Variants in NBPF10 observed in about 807,000 individuals in gnomAD.
NBPF10 encodes the protein NBPF member 10.
In NBPF10, 63 loss-of-function variants were observed where a neutral mutation model predicts 77.9. The observed-to-expected ratio is 0.81, with a 90% confidence interval of 0.66 to 1.00. The LOEUF (loss-of-function observed/expected upper bound fraction) is 1.00, where lower values mean the gene tolerates loss of function less well. Among genes scored for constraint, NBPF10 ranks in the 50% least tolerant of loss-of-function variants. NBPF10 has a pLI of 0.00. For missense variants in NBPF10, 522 were observed against 679.8 expected, an observed-to-expected ratio of 0.77 and a Z score of 2.58; for synonymous variants, 146 against 264.5, an observed-to-expected ratio of 0.55 and a Z score of 4.35.
At chr1:146,076,292 C>CAA (rs1656043118) in intron 77 of NBPF10, among the ~76,000 whole-genome samples, 1 of 13,074 alleles carries the variant, frequency 7.6e-5, no homozygotes, top group African/African-American at 1.5e-4. Flanking sequence ...CACACACACA[C>CAA]ACACACACAC....
rs200107543 is a variant in NBPF10 at position 146,135,996 on chromosome 1, G to T, written c.1091+357C>A. 1.6e-3 allele frequency among the ~76,000 whole-genome samples: 231 copies of T among 148,612 alleles called. 1 individual carries two copies. Among genetic ancestry groups the T allele is most frequent in the African/African-American group, 5.4e-3 (212 of 39,514 alleles). On this transcript the variant is annotated intron_variant, in intron 7 of 89. Coordinates refer to ENST00000583866, the Ensembl canonical transcript of NBPF10. Reference sequence around the variant, plus strand: ...TGATTGAGTGAAAGAATGAGAAGCCGCAGTCAGTCAGGAGGTGATTCTCAC... The same window carrying T: ...TGATTGAGTGAAAGAATGAGAAGCCTCAGTCAGTCAGGAGGTGATTCTCAC...
chr1:146,128,807 A>G (rs11484514), intron 11 of NBPF10, among the ~76,000 whole-genome samples: 9 of 151,202 alleles, frequency 6.0e-5, no homozygotes, highest in Admixed American at 2.6e-4. Flanking sequence ...CCTGGATTTA[A>G]ACACATGGGA....
chr1:146,135,968 CATTG>C (rs1329166241), intron 7 of NBPF10, among the ~76,000 whole-genome samples: 62 of 149,626 alleles, frequency 4.1e-4, no homozygotes, highest in African/African-American at 1.4e-3. Flanking sequence ...GAGAAGGCAA[CATTG>C]ATTGAGTGAA....
At position 146,076,234 on chromosome 1, in the gene NBPF10, GATAGACAC is replaced by G. The variant is rs1173250278; in HGVS notation, c.9624-201_9624-194del. Among the ~76,000 whole-genome samples the G allele has an allele frequency of 1.9e-3, 14 of 7,508 alleles. 1 individual carries two copies. Among genetic ancestry groups the G allele is most frequent in the Non-Finnish European group, 4.5e-3 (13 of 2,900 alleles). The allele number at this position is 7,508 out of a possible 152,430, so 4.9% of individuals were successfully genotyped here. ...TGGAAAAGAATGAAAGAGAAAGACA[GATAGACAC>G]ACACACACACACACACACACACACA... On this transcript the variant is annotated intron_variant, in intron 77 of 89. Transcript: ENST00000583866.
chr1:146,142,494 C>G lies in NBPF10; in HGVS notation c.278+156G>C, dbSNP rs1202714845. Among the ~76,000 whole-genome samples, 117 of 130,896 alleles carry G rather than the reference C, an allele frequency of 8.9e-4. 6 individuals are homozygous for G. Among genetic ancestry groups the G allele is most frequent in the African/African-American group, 2.8e-3 (111 of 39,700 alleles). The allele number at this position is 130,896 out of a possible 152,430, so 85.9% of individuals were successfully genotyped here. On this transcript the variant is annotated intron_variant, in intron 2 of 89. Coordinates refer to ENST00000583866, the Ensembl canonical transcript of NBPF10. Reference sequence around the variant, plus strand: ...CTGCAACACAGAACTTATTATTATCCTTGCTCTCTGATAAATATTTGTGTG... The same window carrying G: ...CTGCAACACAGAACTTATTATTATCGTTGCTCTCTGATAAATATTTGTGTG...
chr1:146,142,378 G>C, intron 2 of NBPF10, among the ~76,000 whole-genome samples: 1 of 133,776 alleles, frequency 7.5e-6, no homozygotes, highest in Non-Finnish European at 1.7e-5. Context: ...CTGCTGGGTG[G>C]TTCCCACTCC....
At chr1:146,125,867 C>G (rs369064308) in intron 14 of NBPF10, among the ~76,000 whole-genome samples, 1 of 150,904 alleles carries the variant, frequency 6.6e-6, no homozygotes, top group African/African-American at 2.4e-5. Context: ...ATCAAATACT[C>G]AGATTGTTCA....
At chr1:146,104,639 G>C (rs1186921637) in intron 41 of NBPF10, among the ~76,000 whole-genome samples, 29 of 23,220 alleles carry the variant, frequency 1.2e-3, no homozygotes, top group African/African-American at 3.2e-3. Context: ...CACACACACA[G>C]AGAGAGAGAG....
intron 14 of NBPF10, 49 bp downstream of exon 14, chr1:146,126,187 A>C (rs879972613): frequency 9.8e-7 from 1 of 1,016,764 alleles, no homozygotes; most frequent in Non-Finnish European, 1.6e-6. Context: ...ATATGACCCT[A>C]ACCAGAAGAC....
At chr1:146,140,234 A>G (rs1660164830) in intron 4 of NBPF10, among the ~76,000 whole-genome samples, 1 of 125,662 alleles carries the variant, frequency 8.0e-6, no homozygotes, top group Non-Finnish European at 1.9e-5. Context: ...GCTGGTGTTC[A>G]GTGCACTGAA....
At chr1:146,069,876 G>T (rs1456958179) in intron 85 of NBPF10, among the ~76,000 whole-genome samples, 161 bp from the exon 86 acceptor site, 1 of 117,998 alleles carries the variant, frequency 8.5e-6, no homozygotes, top group East Asian at 2.1e-4. Flanking sequence ...ACAGAACAGG[G>T]CCAGGTAGAA....
intron 2 of NBPF10, among the ~76,000 whole-genome samples, chr1:146,142,324 G>A (rs1260215625): frequency 4.7e-5 from 6 of 127,940 alleles, no homozygotes; most frequent in Admixed American, 1.6e-4. Context: ...CTCACTAAGG[G>A]TAAGTGGGGT....
chr1:146,140,282 C>T lies in NBPF10; in HGVS notation c.566+202G>A, dbSNP rs1399099033. Among the ~76,000 whole-genome samples the T allele has an allele frequency of 3.1e-4, 40 of 127,362 alleles. 1 individual carries two copies. Among genetic ancestry groups the T allele is most frequent in the Non-Finnish European group, 2.4e-4 (13 of 54,450 alleles). 83.6% of individuals were successfully genotyped at this position (127,362 alleles called of 152,430 possible). On this transcript the variant is annotated intron_variant, in intron 4 of 89. Coordinates refer to ENST00000583866, the Ensembl canonical transcript of NBPF10. ...GAGGAGGATGAAGACTCAGCTATCC[C>T]TGCATGGTACAGACATGACACTTGG...
exon 7 of NBPF10, chr1:146,136,427 T>C (rs782602108): frequency 6.2e-7 from 1 of 1,612,410 alleles, no homozygotes; most frequent in Non-Finnish European, 8.5e-7. Flanking sequence ...TCAGCATAAA[T>C]TTTATGAGGT....
At chr1:146,126,335 G>T (rs587635463) in exon 14 of NBPF10, 8 of 1,296,418 alleles carry the variant, frequency 6.2e-6, no homozygotes, top group Admixed American at 1.7e-5. Context: ...CAACCTGAAG[G>T]AGTTGAATAA....
chr1:146,126,567 G>T (rs199621927), intron 13 of NBPF10, among the ~76,000 whole-genome samples, 159 bp from the exon 14 acceptor site: 35 of 147,258 alleles, frequency 2.4e-4, no homozygotes, highest in Non-Finnish European at 3.9e-4. Context: ...GGATTGACTA[G>T]GGCCAGGTAG....
intron 15 of NBPF10, among the ~76,000 whole-genome samples, chr1:146,125,072 G>A (rs1329493655): frequency 1.3e-5 from 1 of 74,368 alleles, no homozygotes; most frequent in African/African-American, 7.1e-5. Context: ...GAGAGAGAGA[G>A]AGAGAGAGAG....
At position 146,067,944 on chromosome 1, in the gene NBPF10, T is replaced by C. The variant is rs587747623; in HGVS notation, c.11035+59A>G. The C allele has an allele frequency of 1.7e-4, 114 of 657,506 alleles. No individual in the cohort carries two copies. The African/African-American group carries it at 2.1e-3, about 12-fold the overall frequency. 40.7% of individuals were successfully genotyped at this position (657,506 alleles called of 1,614,324 possible). On this transcript the variant is annotated intron_variant, in intron 88 of 89. Transcript: ENST00000583866. ...CAGCAAGGGCCACTTGGAATAGGAATATCACCCCTATCTGGAAGACCAGGT... is the reference window on the plus strand; with the variant it reads ...CAGCAAGGGCCACTTGGAATAGGAACATCACCCCTATCTGGAAGACCAGGT...
chr1:146,144,690 TG>T lies in NBPF10; in HGVS notation c.79del (p.Gln27SerfsTer18). ...GAACTGCTGTTTCTTCTCTGCCAGC[TG>T]GGGGCGCAATGTCTCGTTGATTTCT... On this transcript the variant is annotated frameshift_variant, in exon 1 of 90. Coordinates refer to ENST00000583866, the Ensembl canonical transcript of NBPF10. LOFTEE classifies it high-confidence loss of function. 6.6e-6 allele frequency: 8 copies of T among 1,214,102 alleles called. 2 individuals are homozygous for T. Among genetic ancestry groups the T allele is most frequent in the Non-Finnish European group, 6.5e-6 (6 of 919,466 alleles). 75.2% of individuals were successfully genotyped at this position (1,214,102 alleles called of 1,614,324 possible). A position where few individuals can be genotyped will look rare whatever the true frequency, so the allele number is the denominator to read the frequency against.
Sources: gnomAD v4.1 joint callset for allele counts (sites outside exome capture counted in the v4.1 genomes callset) on GRCh38, gnomAD v4.1.1 for gene constraint, MANE v1.5 for transcripts, NCBI Gene and HGNC (gene_info 2026-07-23, HGNC 2026-07-21) for gene names.